The following ADARB2 variants were observed in gnomAD, a reference collection of about 807,000 sequenced individuals.
ADARB2 encodes inactive double-stranded RNA-specific editase B2.
A neutral mutation model predicts 62.2 loss-of-function variants in ADARB2; 25 were observed. That is an observed-to-expected ratio of 0.40 (90% CI 0.29 to 0.56). ADARB2 has a LOEUF of 0.56. Ranked by LOEUF, ADARB2 falls within the 20% of genes least tolerant of loss-of-function variation. The probability of loss-of-function intolerance (pLI) is 0.43; values close to 1 mark genes in which losing one functional copy is unlikely to be tolerated. For missense variants in ADARB2, 1,071 were observed against 1,077.4 expected, an observed-to-expected ratio of 0.99 and a Z score of 0.08; for synonymous variants, 572 against 500.8, an observed-to-expected ratio of 1.14 and a Z score of -1.90.
At chr10:1,287,810 T>C (rs188665412) in intron 3 of ADARB2, among the ~76,000 whole-genome samples, 28 of 152,366 alleles carry the variant, frequency 1.8e-4, no homozygotes, top group African/African-American at 6.7e-4. Flanking sequence ...GTTAAGTTAG[T>C]GTGCTTTGGA....
intron 1 of ADARB2, among the ~76,000 whole-genome samples, chr10:1,705,343 G>A (rs540573141): frequency 1.8e-3 from 268 of 152,264 alleles, no homozygotes; most frequent in Non-Finnish European, 2.2e-3. Context: ...AAGAGTGGCC[G>A]GTATGATGGA....
intron 1 of ADARB2, among the ~76,000 whole-genome samples, chr10:1,657,134 T>G (rs570055252): frequency 6.6e-6 from 1 of 152,148 alleles, no homozygotes; most frequent in Non-Finnish European, 1.5e-5. Context: ...GCATGCAGCC[T>G]TGTGAAAAGT....
At chr10:1,227,175 C>T (rs570085522) in intron 6 of ADARB2, among the ~76,000 whole-genome samples, 7 of 152,314 alleles carry the variant, frequency 4.6e-5, no homozygotes, top group East Asian at 1.9e-4. Flanking sequence ...TAGCAATCAG[C>T]GAGACTCCGT....
intron 6 of ADARB2, among the ~76,000 whole-genome samples, chr10:1,225,126 A>G (rs950289050): frequency 6.6e-6 from 1 of 152,038 alleles, no homozygotes; most frequent in Non-Finnish European, 1.5e-5. Context: ...TATATTTAGG[A>G]TAGTTAGCTC....
chr10:1,557,884 C>CGGTGAGCTGAGATTGT (rs1832727618), intron 1 of ADARB2, among the ~76,000 whole-genome samples: 4 of 152,076 alleles, frequency 2.6e-5, no homozygotes, highest in Admixed American at 1.3e-4. Flanking sequence ...GCTGAGGTTG[C>CGGTGAGCTGAGATTGT]GCCACTGCAC....
chr10:1,375,827 ACG>A (rs1194293482), intron 2 of ADARB2, among the ~76,000 whole-genome samples: 78 of 125,682 alleles, frequency 6.2e-4, no homozygotes, highest in African/African-American at 1.2e-3. Flanking sequence ...GCACACACAC[ACG>A]TGCACACACC....
At chr10:1,454,520 CAT>C (rs1416874474) in intron 1 of ADARB2, among the ~76,000 whole-genome samples, 2 of 152,148 alleles carry the variant, frequency 1.3e-5, no homozygotes, top group East Asian at 1.9e-4. Flanking sequence ...CATTCTGACA[CAT>C]GTTACAACAT....
chr10:1,346,434 C>T (rs950936411), intron 3 of ADARB2, among the ~76,000 whole-genome samples: 3 of 152,196 alleles, frequency 2.0e-5, no homozygotes, highest in Non-Finnish European at 2.9e-5. Context: ...GTTGTCACCG[C>T]GCTTTACTTA....
At chr10:1,190,115 C>G (rs556695034) in intron 8 of ADARB2, among the ~76,000 whole-genome samples, 1 of 152,178 alleles carries the variant, frequency 6.6e-6, no homozygotes, top group African/African-American at 2.4e-5. Context: ...AGAAATGCGT[C>G]CTCCTGAGAA....
intron 1 of ADARB2, among the ~76,000 whole-genome samples, chr10:1,464,960 G>T (rs1047930272): frequency 1.3e-5 from 2 of 152,244 alleles, no homozygotes; most frequent in Admixed American, 1.3e-4. Context: ...GCCCACAGTG[G>T]CTTGGTTCAT....
chr10:1,494,042 G>A (rs1831656909), intron 1 of ADARB2, among the ~76,000 whole-genome samples: 2 of 151,880 alleles, frequency 1.3e-5, no homozygotes, highest in Non-Finnish European at 2.9e-5. Flanking sequence ...GTGAGCCACC[G>A]CACCTGGCCC....
At chr10:1,295,746 A>G (rs1266020106) in intron 3 of ADARB2, among the ~76,000 whole-genome samples, 1 of 152,244 alleles carries the variant, frequency 6.6e-6, no homozygotes, top group Non-Finnish European at 1.5e-5. Context: ...GAATAATGAT[A>G]AATGGTTTTA....
chr10:1,337,912 C>T (rs1293060792), intron 3 of ADARB2, among the ~76,000 whole-genome samples: 2 of 152,196 alleles, frequency 1.3e-5, no homozygotes, highest in Non-Finnish European at 2.9e-5. Flanking sequence ...CAGCCTTCTT[C>T]ACCTCGTGCA....
chr10:1,532,830 C>T (rs993224024), intron 1 of ADARB2, among the ~76,000 whole-genome samples: 70 of 152,124 alleles, frequency 4.6e-4, no homozygotes, highest in Admixed American at 2.0e-3. Flanking sequence ...TGCCCGCAGG[C>T]GAGGTGGAGA....
At chr10:1,284,189 C>A (rs1024580411) in intron 3 of ADARB2, among the ~76,000 whole-genome samples, 2 of 152,128 alleles carry the variant, frequency 1.3e-5, no homozygotes, top group East Asian at 3.9e-4. Context: ...AGATCGCTCC[C>A]ACGTGAAGCT....
At chr10:1,557,819 T>C (rs1832726420) in intron 1 of ADARB2, among the ~76,000 whole-genome samples, 1 of 150,632 alleles carries the variant, frequency 6.6e-6, no homozygotes, top group Non-Finnish European at 1.5e-5. Context: ...GCCTGAGACA[T>C]GAGAATCGTT....
intron 1 of ADARB2, among the ~76,000 whole-genome samples, chr10:1,459,505 G>A (rs893291182): frequency 6.5e-5 from 8 of 123,326 alleles, no homozygotes; most frequent in Admixed American, 4.6e-4. Context: ...GCTTGTGCCT[G>A]TAATCTCAGC....
chr10:1,655,941 G>C (rs905008180), intron 1 of ADARB2, among the ~76,000 whole-genome samples: 2 of 152,226 alleles, frequency 1.3e-5, no homozygotes, highest in African/African-American at 4.8e-5. Flanking sequence ...TTGTATTGAA[G>C]TAAGCTGTGG....
At chr10:1,571,550 A>G (rs1450660575) in intron 1 of ADARB2, among the ~76,000 whole-genome samples, 3 of 152,244 alleles carry the variant, frequency 2.0e-5, no homozygotes, top group Non-Finnish European at 4.4e-5. Context: ...CTGAGGAGCT[A>G]TGAAGCCAGA....
Sources: allele counts gnomAD v4.1 joint callset (sites outside exome capture counted in the v4.1 genomes callset), GRCh38; gene constraint gnomAD v4.1.1; transcripts MANE v1.5; gene names NCBI Gene and HGNC (gene_info 2026-07-23, HGNC 2026-07-21).